RGPD3: variants seen among roughly 807,000 people sequenced by gnomAD.
RGPD3 encodes the protein ranBP2-like and GRIP domain-containing protein 3.
RGPD3 carries 62 observed loss-of-function variants against 154.5 expected under a neutral mutation model. The observed-to-expected ratio is 0.40, with a 90% CI of 0.33 to 0.50. The LOEUF (loss-of-function observed/expected upper bound fraction) is 0.50. RGPD3 is among the 20% of genes least tolerant of loss of function. The pLI, the probability that RGPD3 is intolerant of heterozygous loss-of-function variation, is 0.59. For missense variants in RGPD3, 919 were observed against 1,716.8 expected (o/e 0.54, Z 8.21); for synonymous variants, 308 against 607.0 (o/e 0.51, Z 7.24).
chr2:106,441,137 C>T (rs994679735), intron 8 of RGPD3, among the ~76,000 whole-genome samples, 156 bp downstream of exon 8: 34 of 151,956 alleles, frequency 2.2e-4, no homozygotes, highest in African/African-American at 7.0e-4. Flanking sequence ...GCTATTTCTT[C>T]GCATCTCTTC....
At chr2:106,443,617 T>C (rs2028507) in intron 7 of RGPD3, among the ~76,000 whole-genome samples, 12,464 of 71,198 alleles carry the variant, frequency 0.18, 2,669 homozygotes, top group East Asian at 0.75. Context: ...AATTATTCAA[T>C]AGTTGAATTT....
chr2:106,470,774 T>C, upstream of RGPD3: 1 of 1,577,168 alleles, frequency 6.3e-7, no homozygotes, highest in Non-Finnish European at 8.6e-7. Context: ...ATGTTAACTT[T>C]TTGGCAACAC....
intron 20 of RGPD3, among the ~76,000 whole-genome samples, chr2:106,420,081 A>G (rs1676931902): frequency 6.9e-6 from 1 of 145,732 alleles, no homozygotes; most frequent in Non-Finnish European, 1.5e-5. Flanking sequence ...ACTGAAAAAA[A>G]TCTTAAAACA....
chr2:106,458,956 C>A (rs1482910984), intron 2 of RGPD3, among the ~76,000 whole-genome samples: 2 of 138,170 alleles, frequency 1.4e-5, no homozygotes, highest in Non-Finnish European at 3.1e-5. Flanking sequence ...AGATATCTAA[C>A]CAAAAACAAA....
At chr2:106,451,201 G>C (rs1678115221) in intron 6 of RGPD3, among the ~76,000 whole-genome samples, 1 of 151,392 alleles carries the variant, frequency 6.6e-6, no homozygotes, top group Non-Finnish European at 1.5e-5. Context: ...CAAAAAATTT[G>C]AGTATACAAA....
At chr2:106,438,501 G>T (rs958307713) in intron 9 of RGPD3, among the ~76,000 whole-genome samples, 1 of 148,216 alleles carries the variant, frequency 6.7e-6, no homozygotes, top group African/African-American at 2.5e-5. Context: ...ATACAACAAG[G>T]CTGGTCACGG....
intron 7 of RGPD3, among the ~76,000 whole-genome samples, chr2:106,445,582 C>T (rs1447554591): frequency 6.6e-6 from 1 of 151,870 alleles, no homozygotes; most frequent in African/African-American, 2.4e-5. Context: ...AAGATCGAGA[C>T]CATCCTGGCT....
chr2:106,451,043 C>T (rs1170672648), intron 6 of RGPD3, among the ~76,000 whole-genome samples: 3 of 144,436 alleles, frequency 2.1e-5, no homozygotes, highest in African/African-American at 7.7e-5. Context: ...GAGTCAAGGT[C>T]GTGCCACTGC....
In RGPD3 at chr2:106,424,681, C is replaced by T. The variant is rs750231046; in HGVS notation, c.3286G>A (p.Val1096Ile). The change falls in exon 20 of 23, where the codon GTA becomes ATA. Residue 1096 changes from valine (V) to isoleucine (I), a missense_variant. Val to Ile is a conservative substitution (Grantham distance 29). Transcript: ENST00000409886. The stretch of plus-strand genomic sequence containing the variant: ...TGTTCTCTTTGCATCAGCATTCTTA[C>T]TTTGCCATTGACCTCGTTTTTGAGA... Reference protein sequence around the residue: ...KILKNEVNGKVRMLMQREQVL... With the variant: ...KILKNEVNGKIRMLMQREQVL... The T allele has an allele frequency of 6.2e-7, 1 of 1,611,974 alleles. No individual in the cohort carries two copies. The highest frequency in any genetic ancestry group is 1.7e-5 in the Admixed American group (1 of 59,998).
intron 6 of RGPD3, among the ~76,000 whole-genome samples, chr2:106,450,880 T>TAAAAAAAAAAAAAAAA (rs1678096195): frequency 4.0e-5 from 1 of 24,812 alleles, no homozygotes; most frequent in South Asian, 6.4e-3. Context: ...AGACTCAGTC[T>TAAAAAAAAAAAAAAAA]CAAAAAAAAA....
At chr2:106,457,181 G>C in intron 3 of RGPD3, 58 bp from the exon 4 acceptor site, 1 of 1,563,162 alleles carries the variant, frequency 6.4e-7, no homozygotes, top group East Asian at 2.4e-5. Flanking sequence ...GTATGTAGGA[G>C]TATATATACT....
chr2:106,424,775 C>G lies in RGPD3; in HGVS notation c.3192G>C (p.Gly1064=). 6.2e-7 allele frequency: 1 copy of G among 1,611,742 alleles called. No homozygotes were observed. Among genetic ancestry groups the G allele is most frequent in the South Asian group, 1.1e-5 (1 of 90,960 alleles). Residue 1064 remains glycine, a synonymous_variant, in exon 20 of 23, where the codon GGG becomes GGC. Coordinates refer to ENST00000409886, the MANE Select transcript of RGPD3 (RefSeq NM_001144013.2). ...CAGCATCAAATCTAAATAGTTTTAC[C>G]CCCTGTGAATACAGAACTTTTTCAC... ...EEGEKVLYSQ[G]VKLFRFDAEV...
chr2:106,415,697 A>AAT lies in RGPD3; in HGVS notation c.5064+152_5064+153insAT, dbSNP rs1491421236. Among the ~76,000 whole-genome samples, 4 of 134,636 alleles carry AAT rather than the reference A, an allele frequency of 3.0e-5. 1 individual carries two copies. The highest frequency in any genetic ancestry group is 1.2e-4 in the African/African-American group (4 of 32,832). 88.3% of individuals were successfully genotyped at this position (134,636 alleles called of 152,430 possible). A position where few individuals can be genotyped will look rare whatever the true frequency, so the allele number is the denominator to read the frequency against. ...CTCAAAAAAAAAAAAAAAAAAAAAA[A>AAT]GGCAATATTTCTCACCATCAGGAAT... On this transcript the variant is annotated intron_variant, in intron 21 of 22. Coordinates refer to ENST00000409886, the MANE Select transcript of RGPD3 (RefSeq NM_001144013.2).
chr2:106,449,484 A>AAG (rs1678043668), intron 6 of RGPD3, among the ~76,000 whole-genome samples: 1 of 151,380 alleles, frequency 6.6e-6, no homozygotes. Context: ...AAAAAAAAAA[A>AAG]AAAGCTATAA....
At chr2:106,450,705 CAAAAAAAAAAA>C (rs768839840) in intron 6 of RGPD3, among the ~76,000 whole-genome samples, 2,759 of 43,262 alleles carry the variant, frequency 0.064, 24 homozygotes, top group Middle Eastern at 0.17. Flanking sequence ...GACTCTGTCT[CAAAAAAAAAAA>C]AAAAAAAAAA....
chr2:106,422,971 C>G (rs1677041678), intron 20 of RGPD3, 72 bp downstream of exon 20: 2 of 1,595,960 alleles, frequency 1.3e-6, no homozygotes, highest in African/African-American at 1.3e-5. Context: ...TAGTATCCCA[C>G]AAAGAGTCTG....
intron 1 of RGPD3, among the ~76,000 whole-genome samples, chr2:106,466,069 C>A (rs1448605230): frequency 6.6e-6 from 1 of 151,786 alleles, no homozygotes; most frequent in African/African-American, 2.4e-5. Flanking sequence ...ATACAGCACC[C>A]GGGTGCCCAA....
Position 106,423,946 on chromosome 2 carries a change from A to G in RGPD3, c.4021T>C (p.Leu1341=). 1 of 1,611,804 alleles carries G rather than the reference A, an allele frequency of 6.2e-7. No individual in the cohort carries two copies. Among genetic ancestry groups the G allele is most frequent in the East Asian group, 2.2e-5 (1 of 44,852 alleles). ...DGQYFEPVVP[L]PDLVEVSSGE... ...CTGGATACTTCAACTAGATCAGGTAAAGGAACAACAGGTTCAAAGTACTGT... is the reference window on the plus strand; with the variant it reads ...CTGGATACTTCAACTAGATCAGGTAGAGGAACAACAGGTTCAAAGTACTGT... The change falls in exon 20 of 23, where the codon TTA becomes CTA. Residue 1341 remains leucine, a synonymous_variant. Coordinates refer to ENST00000409886, the MANE Select transcript of RGPD3 (RefSeq NM_001144013.2).
intron 9 of RGPD3, among the ~76,000 whole-genome samples, chr2:106,437,834 G>C (rs1677612639): frequency 6.6e-6 from 1 of 152,012 alleles, no homozygotes; most frequent in Non-Finnish European, 1.5e-5. Context: ...TTTTAATACA[G>C]AGACTATGGG....
Sources: allele counts gnomAD v4.1 joint callset (sites outside exome capture counted in the v4.1 genomes callset), GRCh38; gene constraint gnomAD v4.1.1; transcripts MANE v1.5; gene names NCBI Gene and HGNC (gene_info 2026-07-23, HGNC 2026-07-21).